The following ADD2 variants were observed in gnomAD, a reference collection of about 807,000 sequenced individuals.
ADD2 encodes the protein beta-adducin.
A neutral mutation model predicts 83.0 loss-of-function variants in ADD2; 23 were observed. The ratio of observed to expected loss-of-function variants is 0.28; its 90% CI spans 0.20 to 0.39. The LOEUF is 0.39. Among genes scored for constraint, ADD2 ranks in the 10% least tolerant of loss-of-function variants. ADD2 has a pLI of 1.00. For synonymous variants in ADD2, 375 were observed against 375.4 expected (o/e 1.00, Z 0.01); for missense variants, 758 against 944.9 (o/e 0.80, Z 2.59).
intron 6 of ADD2, 61 bp downstream of exon 6, chr2:70,695,660 G>T: frequency 2.0e-6 from 3 of 1,502,328 alleles, no homozygotes; most frequent in Non-Finnish European, 2.8e-6. Context: ...TAGCACTGTG[G>T]GAACAGAGAG....
intron 3 of ADD2, 57 bp from the exon 4 acceptor site, chr2:70,704,516 A>G (rs1574266124): frequency 1.2e-6 from 2 of 1,601,336 alleles, no homozygotes; most frequent in East Asian, 4.5e-5. Context: ...GCTGCCCAAC[A>G]ATGAGCTCTT....
At position 70,675,522 on chromosome 2, in the gene ADD2, A is replaced by T. The variant is rs1670089345; in HGVS notation, c.1594-697T>A. The T allele has an allele frequency of 5.1e-6, 5 of 985,376 alleles. No homozygotes were observed. The South Asian group carries it at 2.3e-4, about 46-fold the overall frequency. 61.0% of individuals were successfully genotyped at this position (985,376 alleles called of 1,614,324 possible). A position where few individuals can be genotyped will look rare whatever the true frequency, so the allele number is the denominator to read the frequency against. The stretch of plus-strand genomic sequence containing the variant: ...GCCGGCCCTTACATAAGCTTCAGGA[A>T]TTCTTTGACCCCTCTAGCCCAAGAT... On this transcript the variant is annotated intron_variant, in intron 13 of 15. Transcript: ENST00000264436.
At chr2:70,704,049 C>G (rs1671751112) in intron 4 of ADD2, among the ~76,000 whole-genome samples, 1 of 152,160 alleles carries the variant, frequency 6.6e-6, no homozygotes, top group African/African-American at 2.4e-5. Flanking sequence ...GAAACACAGG[C>G]TTCAGTGGTC....
chr2:70,750,826 C>T (rs1388929740), intron 1 of ADD2, among the ~76,000 whole-genome samples: 1 of 152,148 alleles, frequency 6.6e-6, no homozygotes, highest in Non-Finnish European at 1.5e-5. Context: ...GCATTATAAC[C>T]ATGTCTAAAT....
At chr2:70,704,299 C>A in intron 4 of ADD2, 22 bp downstream of exon 4, 1 of 921,026 alleles carries the variant, frequency 1.1e-6, no homozygotes, top group Non-Finnish European at 1.6e-6. Flanking sequence ...CTGCTCCTGG[C>A]AGCTCCCCAG....
rs543187866 is a variant in ADD2 at position 70,768,174 on chromosome 2, T to A, written c.-442A>T. 1 of 589,956 alleles carries A rather than the reference T, an allele frequency of 1.7e-6. No individual in the cohort carries two copies. Among genetic ancestry groups the A allele is most frequent in the Non-Finnish European group, 3.0e-6 (1 of 335,774 alleles). 36.5% of individuals were successfully genotyped at this position (589,956 alleles called of 1,614,324 possible). ...CCCTGCCGTCAGAATTAAAGCCATT[T>A]CCCGCACGAGGCTGGGAGGAAATGA... On this transcript the variant is annotated 5_prime_UTR_variant, in exon 1 of 16. Coordinates refer to ENST00000264436, the MANE Select transcript of ADD2 (RefSeq NM_001617.4).
At chr2:70,731,694 A>T (rs782806718) in intron 1 of ADD2, among the ~76,000 whole-genome samples, 1 of 152,230 alleles carries the variant, frequency 6.6e-6, no homozygotes, top group Admixed American at 6.5e-5. Context: ...GTGGCTGCAC[A>T]GATCTCTTGC....
At chr2:70,714,892 C>T (rs1672387752) in intron 1 of ADD2, among the ~76,000 whole-genome samples, 1 of 152,142 alleles carries the variant, frequency 6.6e-6, no homozygotes, top group African/African-American at 2.4e-5. Context: ...TAGAATTCAT[C>T]CTTTGCCCCT....
At chr2:70,703,958 A>AGGG (rs540543827) in intron 4 of ADD2, among the ~76,000 whole-genome samples, 3,649 of 152,206 alleles carry the variant, frequency 0.024, 77 homozygotes, top group Admixed American at 0.059. Flanking sequence ...ACAGCCCAGG[A>AGGG]GGGTGGCTTC....
chr2:70,752,967 G>C (rs1668203360), intron 1 of ADD2, among the ~76,000 whole-genome samples: 2 of 152,158 alleles, frequency 1.3e-5, no homozygotes, highest in South Asian at 4.1e-4. Flanking sequence ...GTAGAGTTCT[G>C]GGGAGATAGG....
chr2:70,765,633 G>C (rs1208084895), intron 1 of ADD2, among the ~76,000 whole-genome samples: 1 of 152,246 alleles, frequency 6.6e-6, no homozygotes, highest in African/African-American at 2.4e-5. Flanking sequence ...GAGTGAAGAA[G>C]TGTGTGAATG....
At chr2:70,663,795 G>T (rs1675638263) in intron 15 of ADD2, 60 bp from the exon 16 acceptor site, 5 of 1,515,338 alleles carry the variant, frequency 3.3e-6, no homozygotes, top group Non-Finnish European at 4.5e-6. Flanking sequence ...GCTTCCACCT[G>T]GGGCTAACAG....
At chr2:70,716,214 C>T (rs887423377) in intron 1 of ADD2, among the ~76,000 whole-genome samples, 2 of 152,064 alleles carry the variant, frequency 1.3e-5, no homozygotes, top group Non-Finnish European at 2.9e-5. Context: ...GGGAGCTGTG[C>T]GTTTTTCTCT....
chr2:70,741,687 T>C (rs1553381149), intron 1 of ADD2, among the ~76,000 whole-genome samples: 1 of 152,192 alleles, frequency 6.6e-6, no homozygotes, highest in African/African-American at 2.4e-5. Flanking sequence ...TTCCAGATGA[T>C]GACAACTCCA....
At chr2:70,715,949 A>G (rs951761271) in intron 1 of ADD2, among the ~76,000 whole-genome samples, 24 of 152,140 alleles carry the variant, frequency 1.6e-4, no homozygotes, top group African/African-American at 5.8e-4. Context: ...TCTGGTCCAC[A>G]GTCCTTCCTG....
At chr2:70,685,181 A>G (rs1382790769) in intron 9 of ADD2, among the ~76,000 whole-genome samples, 2 of 152,218 alleles carry the variant, frequency 1.3e-5, no homozygotes, top group Admixed American at 1.3e-4. Flanking sequence ...AACTTTCAGT[A>G]TTTTTGTGAC....
chr2:70,732,618 A>G (rs3771423), intron 1 of ADD2, among the ~76,000 whole-genome samples: 99,629 of 151,930 alleles, frequency 0.66, 33,919 homozygotes, highest in East Asian at 0.9. Flanking sequence ...GTCAGAGGTG[A>G]GCATGGAGAA....
At chr2:70,724,898 G>T (rs1553377960) in intron 1 of ADD2, among the ~76,000 whole-genome samples, 1 of 152,180 alleles carries the variant, frequency 6.6e-6, no homozygotes, top group East Asian at 1.9e-4. Flanking sequence ...AAGCCTCTTT[G>T]CACCCAAGCC....
At position 70,673,751 on chromosome 2, in the gene ADD2, C is replaced by A. The variant is rs551457954; in HGVS notation, c.1742-745G>T. Among the ~76,000 whole-genome samples the A allele has an allele frequency of 3.9e-5, 6 of 152,310 alleles. No individual in the cohort carries two copies. In the South Asian group the frequency reaches 1.0e-3, roughly 26 times the overall value. On this transcript the variant is annotated intron_variant, in intron 14 of 15. Transcript: ENST00000264436. ...ATCTGAGATTTTTGGCGTGTACCAC[C>A]ATGCCTGGCTAATTTTTGTATTTTT...
Sources: gnomAD v4.1 joint callset for allele counts (sites outside exome capture counted in the v4.1 genomes callset) on GRCh38, gnomAD v4.1.1 for gene constraint, MANE v1.5 for transcripts, NCBI Gene and HGNC (gene_info 2026-07-23, HGNC 2026-07-21) for gene names.